Variants in PHKA2 observed in about 807,000 individuals in gnomAD.
PHKA2 encodes the protein phosphorylase kinase regulatory subunit alpha 2, also known as phosphorylase b kinase regulatory subunit alpha, liver isoform.
Under a neutral mutation model 102.0 loss-of-function variants are expected in PHKA2, and 31 were observed. That is an observed-to-expected ratio of 0.30 (90% confidence interval 0.23 to 0.41). The LOEUF (loss-of-function observed/expected upper bound fraction) is 0.41. PHKA2 is among the 10% of genes least tolerant of loss of function. The pLI is 1.00. For missense variants in PHKA2, 858 were observed against 1,023.1 expected (o/e 0.84, Z 2.20); for synonymous variants, 455 against 416.2 (o/e 1.09, Z -1.13).
chrX:18,956,545 T>C (rs2048778275), intron 1 of PHKA2, among the ~76,000 whole-genome samples: 1 of 112,001 alleles, frequency 8.9e-6, no homozygotes, highest in African/African-American at 3.2e-5. Context: ...CCCTGTCCTG[T>C]TAACTGAAAG....
intron 11 of PHKA2, among the ~76,000 whole-genome samples, chrX:18,932,604 T>C (rs774378127): frequency 1.4e-4 from 16 of 110,504 alleles, no homozygotes; most frequent in Non-Finnish European, 2.8e-4. Flanking sequence ...CTTTAGTGCA[T>C]GAACTGAACA....
chrX:18,912,488 C>A (rs1325271725), intron 19 of PHKA2, among the ~76,000 whole-genome samples: 2 of 110,858 alleles, frequency 1.8e-5, no homozygotes, highest in African/African-American at 6.6e-5. Flanking sequence ...TGGTATAGGC[C>A]AGGCATGGTG....
At chrX:18,972,528 G>C (rs1404660463) in intron 1 of PHKA2, among the ~76,000 whole-genome samples, 2 of 112,066 alleles carry the variant, frequency 1.8e-5, no homozygotes, top group African/African-American at 3.2e-5. Context: ...AACATGCTGT[G>C]TCTCTCCTCA....
At chrX:18,950,285 G>C (rs974368468) in intron 4 of PHKA2, among the ~76,000 whole-genome samples, 1 of 112,238 alleles carries the variant, frequency 8.9e-6, no homozygotes, top group African/African-American at 3.2e-5. Flanking sequence ...GGTGTGTCTA[G>C]AAGAGGGTGA....
chrX:18,899,044 G>A, intron 29 of PHKA2, 129 bp downstream of exon 29: 1 of 579,026 alleles, frequency 1.7e-6, no homozygotes, highest in Non-Finnish European at 3.0e-6. Context: ...AGTTGGAGGA[G>A]CCTGTGAGCA....
intron 14 of PHKA2, among the ~76,000 whole-genome samples, chrX:18,926,180 C>A (rs772310305): frequency 7.1e-5 from 8 of 112,517 alleles, no homozygotes; most frequent in Non-Finnish European, 1.5e-4. Context: ...TATCAAGACA[C>A]AAATGACTTT....
chrX:18,930,531 T>A (rs936847963), intron 12 of PHKA2, among the ~76,000 whole-genome samples: 1 of 111,077 alleles, frequency 9.0e-6, no homozygotes, highest in Non-Finnish European at 1.9e-5. Flanking sequence ...ATCTCACTGA[T>A]ACAGAAATCA....
chrX:18,924,976 A>G (rs761228097), intron 15 of PHKA2, among the ~76,000 whole-genome samples: 7 of 112,080 alleles, frequency 6.2e-5, no homozygotes, highest in Non-Finnish European at 1.1e-4. Flanking sequence ...GATGTTGAGA[A>G]CAAATCAAAC....
intron 26 of PHKA2, among the ~76,000 whole-genome samples, chrX:18,902,490 G>A (rs190202762): frequency 0.019 from 2,025 of 108,867 alleles, 43 homozygotes; most frequent in African/African-American, 0.056. Flanking sequence ...GGCCAGGCGC[G>A]GTGGCTCACA....
chrX:18,899,585 A>G (rs1298164997), intron 28 of PHKA2, among the ~76,000 whole-genome samples: 3 of 112,266 alleles, frequency 2.7e-5, no homozygotes, highest in South Asian at 3.7e-4. Context: ...TTATGGTAAG[A>G]ATTGTGAAAA....
At position 18,893,336 on chromosome X, in the gene PHKA2, A is replaced by T. The variant is rs1055668477; in HGVS notation, c.*149T>A. 1.6e-5 allele frequency: 9 copies of T among 580,342 alleles called. No homozygotes were observed. Among genetic ancestry groups the T allele is most frequent in the Non-Finnish European group, 2.6e-5 (9 of 340,353 alleles). The allele number at this position is 580,342 out of a possible 1,213,427, so 47.8% of individuals were successfully genotyped here. A position where few individuals can be genotyped will look rare whatever the true frequency, so the allele number is the denominator to read the frequency against. On this transcript the variant is annotated 3_prime_UTR_variant, in exon 33 of 33. Transcript: ENST00000379942. Reference sequence around the variant, plus strand: ...TGTGGCTTTAACATACATCAGTTTCAGGGTGAGTGCTACCATTGCCCCCCG... The same window carrying T: ...TGTGGCTTTAACATACATCAGTTTCTGGGTGAGTGCTACCATTGCCCCCCG...
intron 6 of PHKA2, among the ~76,000 whole-genome samples, chrX:18,944,550 T>C (rs1475296928): frequency 1.8e-5 from 2 of 111,502 alleles, no homozygotes; most frequent in African/African-American, 6.5e-5. Flanking sequence ...ATCTGCCCCA[T>C]AGGTGTGTTT....
intron 1 of PHKA2, among the ~76,000 whole-genome samples, chrX:18,972,362 T>C (rs1156858692): frequency 1.8e-5 from 2 of 112,438 alleles, no homozygotes. Context: ...CTATTTAAAA[T>C]GTGTCTTGGC....
chrX:18,939,238 T>C (rs1801749343), intron 9 of PHKA2, among the ~76,000 whole-genome samples: 1 of 111,583 alleles, frequency 9.0e-6, no homozygotes, highest in Non-Finnish European at 1.9e-5. Context: ...TACAATGGTG[T>C]GATCTCTGCT....
At chrX:18,936,473 T>G (rs894450919) in intron 10 of PHKA2, among the ~76,000 whole-genome samples, 20 of 112,057 alleles carry the variant, frequency 1.8e-4, no homozygotes, top group African/African-American at 5.8e-4. Context: ...ATCTACACTG[T>G]GTATCAGATG....
intron 13 of PHKA2, 113 bp from the exon 14 acceptor site, chrX:18,926,700 C>T: frequency 2.8e-6 from 2 of 723,114 alleles, no homozygotes; most frequent in South Asian, 4.3e-5. Flanking sequence ...GCATGCTCTT[C>T]CATGCAATGA....
At chrX:18,919,343 A>C (rs1279188207) in intron 18 of PHKA2, among the ~76,000 whole-genome samples, 1 of 111,750 alleles carries the variant, frequency 8.9e-6, no homozygotes, top group Non-Finnish European at 1.9e-5. Context: ...AACCTAGATC[A>C]TTCTACCACT....
At chrX:18,893,976 G>C in intron 32 of PHKA2, 3 of 465,483 alleles carry the variant, frequency 6.4e-6, no homozygotes, top group Non-Finnish European at 1.1e-5. Flanking sequence ...TGTTGCAAGT[G>C]GTGGTGTTTG....
Position 18,893,306 on chromosome X carries a change from A to ATCTC in PHKA2, c.*175_*178dup, listed in dbSNP as rs1465476489. On this transcript the variant is annotated 3_prime_UTR_variant, in exon 33 of 33. Coordinates refer to ENST00000379942, the MANE Select transcript of PHKA2 (RefSeq NM_000292.3). Reference sequence around the variant, plus strand: ...GGGGAACACAGGACTCCTCAGCTCTATCTCTGTGGCTTTAACATACATCAG... The same window carrying ATCTC: ...GGGGAACACAGGACTCCTCAGCTCTATCTCTCTCTGTGGCTTTAACATACATCAG... 8 of 506,197 alleles carry ATCTC rather than the reference A, an allele frequency of 1.6e-5. No homozygotes were observed. Among genetic ancestry groups the ATCTC allele is most frequent in the Non-Finnish European group, 2.4e-5 (7 of 287,458 alleles). 41.7% of individuals were successfully genotyped at this position (506,197 alleles called of 1,213,427 possible). A position where few individuals can be genotyped will look rare whatever the true frequency, so the allele number is the denominator to read the frequency against.
Sources: gnomAD v4.1 joint callset for allele counts (sites outside exome capture counted in the v4.1 genomes callset) on GRCh38, gnomAD v4.1.1 for gene constraint, MANE v1.5 for transcripts, NCBI Gene and HGNC (gene_info 2026-07-23, HGNC 2026-07-21) for gene names.